The following CIAO2A variants were observed in gnomAD, a reference collection of about 807,000 sequenced individuals.
The protein encoded by CIAO2A is cytosolic iron-sulfur assembly component 2A, also known as MIP18 family protein FAM96A.
Under a neutral mutation model 22.4 loss-of-function variants are expected in CIAO2A, and 17 were observed. The ratio of observed to expected loss-of-function variants is 0.76; its 90% confidence interval spans 0.52 to 1.14. CIAO2A has a LOEUF of 1.14. Among genes scored for constraint, CIAO2A ranks in the 50% most tolerant of loss-of-function variants. The probability of loss-of-function intolerance (pLI) is 0.00; values close to 1 mark genes in which losing one functional copy is unlikely to be tolerated. For missense variants in CIAO2A, 192 were observed against 191.4 expected (o/e 1.00, Z -0.02); for synonymous variants, 74 against 72.3 (o/e 1.02, Z -0.12).
At chr15:64,074,700 A>G (rs1346264830) in intron 4 of CIAO2A, 3 of 152,066 alleles carry the variant, frequency 2.0e-5, no homozygotes, top group Non-Finnish European at 4.4e-5. Flanking sequence ...TTCCCTCTCT[A>G]TAGCTCTCTT....
At chr15:64,086,759 G>A (rs1201872999) in intron 2 of CIAO2A, among the ~76,000 whole-genome samples, 1 of 151,350 alleles carries the variant, frequency 6.6e-6, no homozygotes, top group African/African-American at 2.4e-5. Context: ...GATTACAGGT[G>A]CGTGCCACCA....
At position 64,082,548 on chromosome 15, in the gene CIAO2A, T is replaced by C. The variant is rs974006318; in HGVS notation, c.290-1397A>G. Among the ~76,000 whole-genome samples the C allele has an allele frequency of 2.6e-5, 4 of 152,120 alleles. No homozygotes were observed. In the East Asian group the frequency reaches 7.7e-4, roughly 29 times the overall value. On this transcript the variant is annotated intron_variant, in intron 2 of 4. Coordinates refer to ENST00000300030, the MANE Select transcript of CIAO2A (RefSeq NM_032231.7). Reference sequence around the variant, plus strand: ...CGACCTTATAGAGTCTTGAACACAGTAGTTCTATAATAAATATTAGAGAAT... The same window carrying C: ...CGACCTTATAGAGTCTTGAACACAGCAGTTCTATAATAAATATTAGAGAAT...
chr15:64,082,670 T>C (rs1241933661), intron 2 of CIAO2A, among the ~76,000 whole-genome samples: 1 of 152,174 alleles, frequency 6.6e-6, no homozygotes, highest in South Asian at 2.1e-4. Context: ...GGCCCCACCA[T>C]TGTCTCCTTA....
At chr15:64,092,902 A>G (rs536212681) in intron 1 of CIAO2A, among the ~76,000 whole-genome samples, 1 of 152,380 alleles carries the variant, frequency 6.6e-6, no homozygotes, top group Admixed American at 6.5e-5. Flanking sequence ...AGTGGTGGAA[A>G]GTGCATTACG....
At chr15:64,088,312 T>C (rs2080813481) in intron 2 of CIAO2A, among the ~76,000 whole-genome samples, 1 of 152,090 alleles carries the variant, frequency 6.6e-6, no homozygotes, top group African/African-American at 2.4e-5. Context: ...CTGGCCCACA[T>C]GCACTCTCCA....
At chr15:64,083,373 C>A (rs1242828390) in intron 2 of CIAO2A, among the ~76,000 whole-genome samples, 1 of 152,092 alleles carries the variant, frequency 6.6e-6, no homozygotes, top group African/African-American at 2.4e-5. Context: ...TGGACCACAG[C>A]TGCCTTCAGC....
Position 64,088,853 on chromosome 15 carries a change from TAAAG to T in CIAO2A, c.125-6_125-3del. ...GGTCCCGGATAGTTCTAATCAAATC[TAAAG>T]AATCATCAGAGATAAGATATTCTAT... is the stretch of plus-strand genomic sequence containing the variant. On this transcript the variant is annotated splice_region_variant and splice_polypyrimidine_tract_variant and intron_variant, in intron 1 of 4. Coordinates refer to ENST00000300030, the MANE Select transcript of CIAO2A (RefSeq NM_032231.7). 6.2e-7 allele frequency: 1 copy of T among 1,603,902 alleles called. No homozygotes were observed. The highest frequency in any genetic ancestry group is 1.1e-5 in the South Asian group (1 of 88,228).
At chr15:64,085,865 C>T (rs554685561) in intron 2 of CIAO2A, among the ~76,000 whole-genome samples, 18 of 151,924 alleles carry the variant, frequency 1.2e-4, no homozygotes, top group African/African-American at 4.3e-4. Flanking sequence ...CCCGCCACCA[C>T]GCCCAGCTAA....
chr15:64,087,052 C>T (rs990222243), intron 2 of CIAO2A, among the ~76,000 whole-genome samples: 17 of 147,732 alleles, frequency 1.2e-4, no homozygotes, highest in African/African-American at 4.2e-4. Flanking sequence ...GCTGGGATTA[C>T]AGGTGTGTGC....
At chr15:64,091,730 G>C (rs2080840987) in intron 1 of CIAO2A, among the ~76,000 whole-genome samples, 1 of 151,764 alleles carries the variant, frequency 6.6e-6, no homozygotes, top group Non-Finnish European at 1.5e-5. Context: ...TAGTTTTCTA[G>C]TTTCTAGATT....
intron 4 of CIAO2A, 115 bp from the exon 5 acceptor site, chr15:64,073,143 GT>G: frequency 3.2e-6 from 2 of 617,894 alleles, no homozygotes; most frequent in South Asian, 2.3e-5. Flanking sequence ...ACTTAAACCT[GT>G]TTTTGGCTAA....
intron 4 of CIAO2A, among the ~76,000 whole-genome samples, chr15:64,073,978 A>G (rs2080695448): frequency 6.6e-6 from 1 of 152,226 alleles, no homozygotes; most frequent in East Asian, 1.9e-4. Flanking sequence ...ACGGCTCAAT[A>G]TTATTGTCAT....
At chr15:64,091,091 T>C (rs535941784) in intron 1 of CIAO2A, among the ~76,000 whole-genome samples, 1 of 152,294 alleles carries the variant, frequency 6.6e-6, no homozygotes, top group East Asian at 1.9e-4. Context: ...TTATTATTTA[T>C]CACACAAAAT....
At chr15:64,088,946 T>TA (rs1420023273) in intron 1 of CIAO2A, 95 bp from the exon 2 acceptor site, 2 of 1,208,326 alleles carry the variant, frequency 1.7e-6, no homozygotes, top group Middle Eastern at 2.6e-4. Flanking sequence ...TGACTTCTCT[T>TA]ACGTTTAAGC....
chr15:64,088,699 C>T lies in CIAO2A; in HGVS notation c.277G>A (p.Ala93Thr). The change falls in exon 2 of 5, where the codon GCG becomes ACG. Residue 93 changes from alanine (A) to threonine (T), a missense_variant. Ala to Thr is a moderately conservative substitution (Grantham distance 58). Transcript: ENST00000300030. The part of the protein sequence containing the change: ...FTPTVPHCSL[A>T]TLIGLCLRVK... ...CAGAAAAACTTACCAATAAGAGTCGCCAAAGAGCAATGAGGTACTGTTGGC... is the reference window on the plus strand; with the variant it reads ...CAGAAAAACTTACCAATAAGAGTCGTCAAAGAGCAATGAGGTACTGTTGGC... 1.2e-6 allele frequency: 2 copies of T among 1,609,668 alleles called. No homozygotes were observed. The highest frequency in any genetic ancestry group is 1.1e-5 in the South Asian group (1 of 90,016).
chr15:64,087,326 C>T (rs1490220206), intron 2 of CIAO2A, among the ~76,000 whole-genome samples: 2 of 151,916 alleles, frequency 1.3e-5, no homozygotes, highest in African/African-American at 2.4e-5. Flanking sequence ...CTCCTGACCT[C>T]GTGATCTGCC....
intron 3 of CIAO2A, among the ~76,000 whole-genome samples, chr15:64,080,688 A>G (rs1272784843): frequency 1.3e-5 from 2 of 152,172 alleles, no homozygotes; most frequent in Non-Finnish European, 2.9e-5. Flanking sequence ...TCAAAAAACA[A>G]AAACAAAAAA....
At chr15:64,078,500 G>A (rs1474692254) in intron 3 of CIAO2A, among the ~76,000 whole-genome samples, 1 of 152,158 alleles carries the variant, frequency 6.6e-6, no homozygotes, top group East Asian at 1.9e-4. Context: ...GCTGGGTGTG[G>A]TGGTATGCGC....
chr15:64,092,228 T>G (rs1035157712), intron 1 of CIAO2A, among the ~76,000 whole-genome samples: 3 of 152,178 alleles, frequency 2.0e-5, no homozygotes, highest in Admixed American at 1.3e-4. Context: ...CAACCACATC[T>G]TCACATTTAA....
Sources: allele counts gnomAD v4.1 joint callset (sites outside exome capture counted in the v4.1 genomes callset), GRCh38; gene constraint gnomAD v4.1.1; transcripts MANE v1.5; gene names NCBI Gene and HGNC (gene_info 2026-07-23, HGNC 2026-07-21).